The following TRAK1 variants were observed in gnomAD, a reference collection of about 807,000 sequenced individuals.
TRAK1 encodes the protein trafficking kinesin protein 1.
Under a neutral mutation model 92.1 loss-of-function variants are expected in TRAK1, and 33 were observed. The ratio of observed to expected loss-of-function variants is 0.36; its 90% CI spans 0.27 to 0.48. The LOEUF (loss-of-function observed/expected upper bound fraction) is 0.48. Ranked by LOEUF, TRAK1 falls within the 20% of genes least tolerant of loss-of-function variation. The pLI is 0.99. For synonymous variants in TRAK1, 521 were observed against 517.3 expected (o/e 1.01, Z -0.10); for missense variants, 1,123 against 1,257.9 (o/e 0.89, Z 1.62).
rs1710625053 is a variant in TRAK1, at chr3:42,224,286, G to A, written c.*549G>A. ...GGGCTTTTCTTTTATGGGTGGCCCAGCTTCTTCAAGACCTTCACTGCTCTG... is the reference window on the plus strand; with the variant it reads ...GGGCTTTTCTTTTATGGGTGGCCCAACTTCTTCAAGACCTTCACTGCTCTG... On this transcript the variant is annotated 3_prime_UTR_variant, in exon 16 of 16. Transcript: ENST00000327628. 3 of 314,798 alleles carry A rather than the reference G, an allele frequency of 9.5e-6. No individual in the cohort carries two copies. The highest frequency in any genetic ancestry group is 2.3e-5 in the African/African-American group (1 of 43,706). 19.5% of individuals were successfully genotyped at this position (314,798 alleles called of 1,614,324 possible).
chr3:42,067,398 C>T (rs902868363), intron 1 of TRAK1, among the ~76,000 whole-genome samples: 10 of 152,170 alleles, frequency 6.6e-5, no homozygotes, highest in African/African-American at 1.9e-4. Context: ...TCTTCTCACT[C>T]GATCCTACAG....
chr3:42,080,695 G>T (rs923698025), intron 1 of TRAK1, among the ~76,000 whole-genome samples: 14 of 151,402 alleles, frequency 9.2e-5, no homozygotes, highest in African/African-American at 3.2e-4. Context: ...CTGGCACCTT[G>T]GGGAAAGATT....
chr3:42,189,032 T>G lies in TRAK1; in HGVS notation c.598T>G (p.Ser200Ala), dbSNP rs762628522. ...CTCCCCCAGGTTGAAGAGGAATGAG[T>G]CGTCCTCCTCAGTCCAGAATTACTT... The part of the protein sequence containing the change: ...VCSTPLKRNE[S>A]SSSVQNYFHL... Residue 200 changes from serine to alanine, a missense_variant, in exon 6 of 16, where the codon TCG becomes GCG. Ser to Ala is a moderately conservative substitution (Grantham distance 99). Coordinates refer to ENST00000327628, the MANE Select transcript of TRAK1 (RefSeq NM_001042646.3). 2.5e-6 allele frequency: 4 copies of G among 1,613,202 alleles called. No homozygotes were observed. Among genetic ancestry groups the G allele is most frequent in the African/African-American group, 1.3e-5 (1 of 75,010 alleles).
intron 1 of TRAK1, among the ~76,000 whole-genome samples, chr3:42,030,447 T>A (rs1329105083): frequency 1.3e-5 from 2 of 149,250 alleles, no homozygotes; most frequent in African/African-American, 4.9e-5. Context: ...CCGAGGTGGG[T>A]GGATCACTTG....
At chr3:42,071,513 G>C (rs1047781640) in intron 1 of TRAK1, among the ~76,000 whole-genome samples, 1 of 152,044 alleles carries the variant, frequency 6.6e-6, no homozygotes, top group African/African-American at 2.4e-5. Flanking sequence ...TTTGAGACCA[G>C]CCTGGCCAAC....
At chr3:42,167,436 A>T (rs1003713893) in intron 2 of TRAK1, among the ~76,000 whole-genome samples, 3 of 152,206 alleles carry the variant, frequency 2.0e-5, no homozygotes, top group Non-Finnish European at 4.4e-5. Flanking sequence ...GGACACTGAG[A>T]TAAGAATAAA....
At chr3:42,161,452 C>T (rs761759163) in intron 2 of TRAK1, among the ~76,000 whole-genome samples, 35 of 151,896 alleles carry the variant, frequency 2.3e-4, no homozygotes, top group Non-Finnish European at 4.4e-4. Context: ...TCCTGGCTCA[C>T]GGCAGCCTTG....
At chr3:42,142,382 A>G (rs967687366) in intron 2 of TRAK1, among the ~76,000 whole-genome samples, 1 of 152,174 alleles carries the variant, frequency 6.6e-6, no homozygotes, top group Non-Finnish European at 1.5e-5. Flanking sequence ...TACTGTTATC[A>G]TTAGCAGCTT....
rs774716012 is a variant in TRAK1, at chr3:42,112,735, CAAA to C, written c.92-12666_92-12664del. ...TGGGTGACAGAGTGAGACTCTGTCT[CAAA>C]AAAAAAAAAAAAAAAAAACCAACTA... On this transcript the variant is annotated intron_variant, in intron 1 of 15. Transcript: ENST00000327628. 0.023 allele frequency among the ~76,000 whole-genome samples: 1,267 copies of C among 54,660 alleles called. 15 individuals carry two copies. In the East Asian group the frequency reaches 0.23, roughly 10 times the overall value. The allele number at this position is 54,660 out of a possible 152,430, so 35.9% of individuals were successfully genotyped here. A position where few individuals can be genotyped will look rare whatever the true frequency, so the allele number is the denominator to read the frequency against.
chr3:42,115,099 C>T (rs554187970), intron 1 of TRAK1, among the ~76,000 whole-genome samples: 3 of 152,114 alleles, frequency 2.0e-5, no homozygotes, highest in South Asian at 4.1e-4. Context: ...AAATTCAAAT[C>T]GACAGTAATA....
chr3:42,107,709 C>T (rs940380952), intron 1 of TRAK1, among the ~76,000 whole-genome samples: 2 of 151,900 alleles, frequency 1.3e-5, no homozygotes, highest in African/African-American at 4.8e-5. Context: ...GGTCTGTTAA[C>T]CTCTTTGCCT....
chr3:42,136,758 C>T (rs1436875317), intron 2 of TRAK1, among the ~76,000 whole-genome samples: 1 of 152,130 alleles, frequency 6.6e-6, no homozygotes, highest in Admixed American at 6.5e-5. Flanking sequence ...TCTTGGCTCA[C>T]TGCAATCTCC....
chr3:42,057,733 T>G (rs1703256412), intron 1 of TRAK1, among the ~76,000 whole-genome samples: 1 of 152,058 alleles, frequency 6.6e-6, no homozygotes, highest in Non-Finnish European at 1.5e-5. Flanking sequence ...CAGACGAACT[T>G]AGATTCTGGG....
chr3:42,214,024 A>T (rs1177509510), intron 14 of TRAK1, among the ~76,000 whole-genome samples: 1 of 152,230 alleles, frequency 6.6e-6, no homozygotes, highest in Non-Finnish European at 1.5e-5. Context: ...AAGTGGAAAA[A>T]TGAATGAAGA....
intron 2 of TRAK1, among the ~76,000 whole-genome samples, chr3:42,151,910 A>C (rs921006750): frequency 2.0e-5 from 3 of 152,224 alleles, no homozygotes; most frequent in Non-Finnish European, 4.4e-5. Flanking sequence ...GATACTAATA[A>C]AAGGTGAGTC....
chr3:42,181,154 C>T (rs752362149), intron 3 of TRAK1, among the ~76,000 whole-genome samples: 1 of 152,234 alleles, frequency 6.6e-6, no homozygotes. Context: ...AAGCCTTCCG[C>T]ATCCTTCAGG....
intron 2 of TRAK1, among the ~76,000 whole-genome samples, chr3:42,169,265 T>G (rs1702255318): frequency 1.3e-5 from 2 of 152,190 alleles, no homozygotes; most frequent in South Asian, 2.1e-4. Flanking sequence ...ATAAGGATTT[T>G]GGGTTCATAC....
intron 2 of TRAK1, among the ~76,000 whole-genome samples, chr3:42,174,563 C>T (rs575524793): frequency 9.9e-5 from 15 of 151,672 alleles, no homozygotes; most frequent in African/African-American, 2.9e-4. Context: ...TTCTGCCTCC[C>T]GGGTTCAAGT....
intron 1 of TRAK1, among the ~76,000 whole-genome samples, chr3:42,077,143 G>A (rs1302456578): frequency 6.6e-6 from 1 of 152,140 alleles, no homozygotes; most frequent in African/African-American, 2.4e-5. Flanking sequence ...TGTTCCAAAT[G>A]AATTTTAGAA....
Sources: gnomAD v4.1 joint callset for allele counts (sites outside exome capture counted in the v4.1 genomes callset) on GRCh38, gnomAD v4.1.1 for gene constraint, MANE v1.5 for transcripts, NCBI Gene and HGNC (gene_info 2026-07-23, HGNC 2026-07-21) for gene names.